SHC2: variants seen among roughly 807,000 people sequenced by gnomAD.
SHC2 encodes the protein SHC-transforming protein 2.
A neutral mutation model predicts 60.6 loss-of-function variants in SHC2; 62 were observed. The ratio of observed to expected loss-of-function variants is 1.02; its 90% CI spans 0.83 to 1.26. The LOEUF is 1.26. Ranked by LOEUF, SHC2 falls within the 50% of genes most tolerant of loss-of-function variation. The probability of loss-of-function intolerance (pLI) is 0.00; values close to 1 mark genes in which losing one functional copy is unlikely to be tolerated. For missense variants in SHC2, 873 were observed against 822.2 expected, an observed-to-expected ratio of 1.06 and a Z score of -0.76; for synonymous variants, 375 against 372.4, an observed-to-expected ratio of 1.01 and a Z score of -0.08.
chr19:451,465 G>A (rs73489619), intron 1 of SHC2, among the ~76,000 whole-genome samples: 5,065 of 152,348 alleles, frequency 0.033, 281 homozygotes, highest in African/African-American at 0.11. Flanking sequence ...TCCACCTTTG[G>A]GCTGCTGGGA....
At chr19:419,530 C>G (rs80233174) in intron 11 of SHC2, 1 of 152,636 alleles carries the variant, frequency 6.6e-6, no homozygotes, top group African/African-American at 2.4e-5. Flanking sequence ...TGGCAGCACC[C>G]GGGAGCCCGG....
In SHC2 at chr19:437,308, GTGCTCATCTGCA is replaced by G. The variant is rs752997399; in HGVS notation, c.721-637_721-626del. ...TGTGCTCATCTGCGTGCTCGTCTGT[GTGCTCATCTGCA>G]TGCTCATCTGCGTGCTTGTTTGCAT... is the stretch of plus-strand genomic sequence containing the variant. On this transcript the variant is annotated intron_variant, in intron 4 of 12. Coordinates refer to ENST00000264554, the MANE Select transcript of SHC2 (RefSeq NM_012435.3). Among the ~76,000 whole-genome samples the G allele has an allele frequency of 1.5e-3, 234 of 151,766 alleles. 1 individual carries two copies. Among genetic ancestry groups the G allele is most frequent in the Non-Finnish European group, 2.6e-3 (175 of 67,908 alleles).
At chr19:420,629 G>A (rs1974245778) in intron 11 of SHC2, among the ~76,000 whole-genome samples, 1 of 152,202 alleles carries the variant, frequency 6.6e-6, no homozygotes, top group African/African-American at 2.4e-5. Context: ...TAGGTACCAG[G>A]AGGAGAGAGA....
chr19:424,992 C>G lies in SHC2; in HGVS notation c.1309+105G>C. The G allele has an allele frequency of 8.2e-7, 1 of 1,212,840 alleles. No homozygotes were observed. The highest frequency in any genetic ancestry group is 1.1e-6 in the Non-Finnish European group (1 of 929,264). The allele number at this position is 1,212,840 out of a possible 1,614,324, so 75.1% of individuals were successfully genotyped here. On this transcript the variant is annotated intron_variant, in intron 10 of 12. Transcript: ENST00000264554. This position sits in a 1 kb window ranked among gnomAD's most constrained non-coding sequence, Gnocchi z 4.5. ...TCTCACGGGGAGAAGGGAGCCTCCC[C>G]CATCAGACCAGGGAATCCCGTAGGG...
Position 460,594 on chromosome 19 carries a change from G to C in SHC2, c.403C>G (p.Pro135Ala). The change falls in exon 1 of 13, where the codon CCC becomes GCC. Residue 135 changes from proline to alanine, a missense_variant. Pro to Ala is a conservative substitution (Grantham distance 27). Coordinates refer to ENST00000264554, the MANE Select transcript of SHC2 (RefSeq NM_012435.3). ...TCGGGGTGTAGCCAGCCGTGCGCGG[G>C]TTTGTGGATGAAGCTGCCCTTCCGG... ...WIRKGSFIHK[P>A]AHGWLHPDAR... The C allele has an allele frequency of 7.1e-7, 1 of 1,404,722 alleles. No individual in the cohort carries two copies. The highest frequency in any genetic ancestry group is 9.3e-7 in the Non-Finnish European group (1 of 1,071,698). The allele number at this position is 1,404,722 out of a possible 1,614,324, so 87.0% of individuals were successfully genotyped here.
In SHC2 at chr19:424,403, A is replaced by C. The variant is rs750579440; in HGVS notation, c.1309+694T>G. 6.6e-6 allele frequency among the ~76,000 whole-genome samples: 1 copy of C among 152,022 alleles called. No homozygotes were observed. The highest frequency in any genetic ancestry group is 1.5e-5 in the Non-Finnish European group (1 of 67,976). ...TCAGGCCGGGATTTCCGTAGGAAGA[A>C]TCCTCAGACCCCGGAGTCACGTGAA... On this transcript the variant is annotated intron_variant, in intron 10 of 12. Transcript: ENST00000264554. This position sits in a 1 kb window ranked among gnomAD's most constrained non-coding sequence, Gnocchi z 4.5.
chr19:421,546 A>G (rs767158145), intron 11 of SHC2, among the ~76,000 whole-genome samples: 10 of 152,234 alleles, frequency 6.6e-5, no homozygotes, highest in Non-Finnish European at 1.0e-4. Flanking sequence ...TACACCCTCA[A>G]ATAAATTAGA....
At chr19:434,924 A>G in intron 7 of SHC2, 59 bp from the exon 8 acceptor site, 1 of 1,535,910 alleles carries the variant, frequency 6.5e-7, no homozygotes, top group Admixed American at 1.9e-5. Context: ...CTAAAGCCTT[A>G]CGGCTTGAGC....
intron 9 of SHC2, among the ~76,000 whole-genome samples, chr19:428,911 C>T (rs1295161046): frequency 6.7e-6 from 1 of 148,434 alleles, no homozygotes; most frequent in Non-Finnish European, 1.5e-5. Context: ...TATATCCCAA[C>T]ATGCACGGAA....
intron 8 of SHC2, among the ~76,000 whole-genome samples, chr19:431,029 T>A (rs10424182): frequency 0.61 from 92,569 of 152,114 alleles, 30,924 homozygotes; most frequent in African/African-American, 0.9. Context: ...CCTTCCCCGC[T>A]CTGCTCTCCC....
chr19:421,426 AG>A (rs1273764587), intron 11 of SHC2, among the ~76,000 whole-genome samples: 6 of 134,770 alleles, frequency 4.5e-5, no homozygotes, highest in Non-Finnish European at 3.1e-5. Flanking sequence ...AGAAAAGAAA[AG>A]AAAAAGAGAG....
At chr19:419,629 C>A (rs902360394) in intron 11 of SHC2, 9 of 152,296 alleles carry the variant, frequency 5.9e-5, no homozygotes, top group African/African-American at 2.2e-4. Flanking sequence ...TGAGTTCGGA[C>A]TTCTGGCCTC....
rs369081529 is a variant in SHC2 at position 422,268 on chromosome 19, T to C, written c.1498A>G (p.Met500Val). 679 of 1,612,320 alleles carry C rather than the reference T, an allele frequency of 4.2e-4. No individual in the cohort carries two copies. Among genetic ancestry groups the C allele is most frequent in the Non-Finnish European group, 5.6e-4 (657 of 1,179,658 alleles). Residue 500 changes from methionine to valine, a missense_variant, in exon 11 of 13, where the codon ATG becomes GTG. Transcript: ENST00000264554. The surrounding 1 kb of genome is among the most constrained non-coding windows in gnomAD (Gnocchi z 5.0). ...GRMSRRAAER[M>V]LRADGDFLVR... is the part of the protein sequence containing the mutation. ...AGGAAGTCCCCGTCAGCTCGAAGCATCCTCTCTGCCGCCCGGCGGCTCATC... is the reference window on the plus strand; with the variant it reads ...AGGAAGTCCCCGTCAGCTCGAAGCACCCTCTCTGCCGCCCGGCGGCTCATC...
intron 1 of SHC2, among the ~76,000 whole-genome samples, chr19:458,901 C>A (rs973138859): frequency 2.6e-5 from 4 of 151,958 alleles, no homozygotes; most frequent in Admixed American, 2.0e-4. Flanking sequence ...AGGCCGAGCG[C>A]GCCTGGGGAC....
chr19:448,989 C>CAA (rs879686895), intron 1 of SHC2, among the ~76,000 whole-genome samples: 2 of 128,258 alleles, frequency 1.6e-5, no homozygotes, highest in African/African-American at 5.8e-5. Flanking sequence ...CCCGTCTCTA[C>CAA]AAAAAAAAAA....
chr19:447,116 C>T (rs1975070041), intron 1 of SHC2, among the ~76,000 whole-genome samples: 1 of 152,222 alleles, frequency 6.6e-6, no homozygotes, highest in Admixed American at 6.5e-5. Flanking sequence ...GCAGTGGGGT[C>T]CATCCGCACT....
chr19:437,675 G>A (rs1234918457), intron 4 of SHC2, among the ~76,000 whole-genome samples: 1 of 151,912 alleles, frequency 6.6e-6, no homozygotes, highest in Non-Finnish European at 1.5e-5. Flanking sequence ...TCACCCCCCC[G>A]CCAGCTCCAT....
intron 1 of SHC2, among the ~76,000 whole-genome samples, chr19:448,238 T>C (rs1276427853): frequency 1.3e-5 from 2 of 152,230 alleles, no homozygotes; most frequent in Non-Finnish European, 2.9e-5. Context: ...AGGGCTGCCG[T>C]GAGCAAAGGC....
intron 1 of SHC2, among the ~76,000 whole-genome samples, chr19:459,605 C>A (rs1975489968): frequency 6.7e-6 from 1 of 149,756 alleles, no homozygotes; most frequent in Admixed American, 6.6e-5. Flanking sequence ...GGGGAAGGAC[C>A]CCACTGAACT....
Sources: gnomAD v4.1 joint callset for allele counts (sites outside exome capture counted in the v4.1 genomes callset) on GRCh38, gnomAD v4.1.1 for gene constraint, Gnocchi (gnomAD v3.1) non-coding constraint, MANE v1.5 for transcripts, NCBI Gene and HGNC (gene_info 2026-07-23, HGNC 2026-07-21) for gene names.